NAPB: variants seen among roughly 807,000 people sequenced by gnomAD.
NAPB encodes beta-soluble NSF attachment protein.
A neutral mutation model predicts 44.7 loss-of-function variants in NAPB; 26 were observed. The observed-to-expected ratio is 0.58, with a 90% CI of 0.43 to 0.81. The LOEUF is 0.81. Ranked by LOEUF, NAPB falls within the 30% of genes least tolerant of loss-of-function variation. NAPB has a pLI of 0.00. For synonymous variants in NAPB, 120 were observed against 116.8 expected (o/e 1.03, Z -0.18); for missense variants, 315 against 356.4 (o/e 0.88, Z 0.94).
At chr20:23,387,480 T>C (rs900697269) in intron 7 of NAPB, among the ~76,000 whole-genome samples, 2 of 152,022 alleles carry the variant, frequency 1.3e-5, no homozygotes, top group African/African-American at 2.4e-5. Context: ...ATTTTGGATA[T>C]AGAAAACCTA....
At chr20:23,398,593 C>G (rs1020740706) in intron 2 of NAPB, among the ~76,000 whole-genome samples, 3 of 152,054 alleles carry the variant, frequency 2.0e-5, no homozygotes, top group African/African-American at 7.2e-5. Flanking sequence ...ATAATCCCAG[C>G]ACTTTGGGAG....
In NAPB at chr20:23,398,853, A is replaced by AT. The variant is rs1325138900; in HGVS notation, c.179-1666_179-1665insA. ...AGCAAGACTCTTGTCTCAAAAAAAA[A>AT]ATTTTTTTTTTTTTTTTTTTTTTTT... On this transcript the variant is annotated intron_variant, in intron 2 of 10. Transcript: ENST00000377026. Among the ~76,000 whole-genome samples the AT allele has an allele frequency of 3.2e-3, 435 of 135,018 alleles. 1 individual carries two copies. The highest frequency in any genetic ancestry group is 5.9e-3 in the African/African-American group (190 of 32,126). 88.6% of individuals were successfully genotyped at this position (135,018 alleles called of 152,430 possible). A position where few individuals can be genotyped will look rare whatever the true frequency, so the allele number is the denominator to read the frequency against.
intron 2 of NAPB, among the ~76,000 whole-genome samples, chr20:23,399,691 C>T (rs1984685279): frequency 1.3e-5 from 2 of 152,194 alleles, no homozygotes; most frequent in African/African-American, 4.8e-5. Context: ...GGGGCAAAGG[C>T]CACTGCCAGG....
At chr20:23,384,388 C>G (rs1211544814) in intron 7 of NAPB, among the ~76,000 whole-genome samples, 1 of 151,862 alleles carries the variant, frequency 6.6e-6, no homozygotes, top group East Asian at 1.9e-4. Context: ...ATGGCAAAAC[C>G]CCATCGCTAC....
At chr20:23,384,662 A>G (rs2123147048) in intron 7 of NAPB, among the ~76,000 whole-genome samples, 1 of 152,290 alleles carries the variant, frequency 6.6e-6, no homozygotes, top group South Asian at 2.1e-4. Flanking sequence ...AGCAACCCAT[A>G]AAAAGGTTGG....
intron 5 of NAPB, 86 bp downstream of exon 5, chr20:23,394,836 G>T: frequency 7.4e-7 from 1 of 1,356,062 alleles, no homozygotes; most frequent in Non-Finnish European, 1.0e-6. Flanking sequence ...CTACACCTAC[G>T]ATCACTCTCA....
At chr20:23,401,937 C>T (rs2123217800) in intron 2 of NAPB, among the ~76,000 whole-genome samples, 1 of 152,224 alleles carries the variant, frequency 6.6e-6, no homozygotes, top group East Asian at 1.9e-4. Flanking sequence ...AGTAAGTGAT[C>T]TCTTCAGGTA....
intron 1 of NAPB, among the ~76,000 whole-genome samples, chr20:23,405,024 G>T (rs74911951): frequency 0.015 from 2,355 of 152,218 alleles, 32 homozygotes; most frequent in Middle Eastern, 0.024. Flanking sequence ...ACATCCCGGC[G>T]GGGCGAGGAG....
chr20:23,406,504 A>C (rs1239125110), intron 1 of NAPB, among the ~76,000 whole-genome samples: 4 of 152,160 alleles, frequency 2.6e-5, no homozygotes, highest in Non-Finnish European at 5.9e-5. Context: ...AAAAACAAAC[A>C]AAAACCTTTG....
intron 10 of NAPB, among the ~76,000 whole-genome samples, chr20:23,378,219 G>A (rs1198348563): frequency 6.6e-6 from 1 of 151,396 alleles, no homozygotes; most frequent in Non-Finnish European, 1.5e-5. Context: ...AGGTACTTAG[G>A]AGTCTCAGGT....
intron 1 of NAPB, among the ~76,000 whole-genome samples, chr20:23,419,397 C>G (rs1986234301): frequency 6.6e-6 from 1 of 152,170 alleles, no homozygotes; most frequent in Non-Finnish European, 1.5e-5. Context: ...TTTCAAAATC[C>G]TTTAAGGATT....
At chr20:23,381,349 G>A in intron 7 of NAPB, 32 bp from the exon 8 acceptor site, 1 of 1,396,152 alleles carries the variant, frequency 7.2e-7, no homozygotes, top group East Asian at 2.5e-5. Flanking sequence ...AAATTTAAAA[G>A]ATTTACCCTC....
intron 7 of NAPB, among the ~76,000 whole-genome samples, chr20:23,388,210 G>C (rs148991416): frequency 6.6e-6 from 1 of 151,816 alleles, no homozygotes; most frequent in South Asian, 2.1e-4. Context: ...ATAATCAAGC[G>C]AATCAATTCC....
At chr20:23,385,564 A>G (rs781459371) in intron 7 of NAPB, among the ~76,000 whole-genome samples, 1 of 151,978 alleles carries the variant, frequency 6.6e-6, no homozygotes, top group Non-Finnish European at 1.5e-5. Context: ...ATTCGAGACC[A>G]GCCTAGCCAA....
At chr20:23,397,331 T>C (rs1984443483) in intron 2 of NAPB, 143 bp from the exon 3 acceptor site, 4 of 955,554 alleles carry the variant, frequency 4.2e-6, no homozygotes, top group Non-Finnish European at 5.9e-6. Context: ...TGTGGTCCAG[T>C]GCACCTCGGG....
chr20:23,413,336 G>A (rs1194065519), intron 1 of NAPB, among the ~76,000 whole-genome samples: 1 of 151,760 alleles, frequency 6.6e-6, no homozygotes. Context: ...AACAAACTAA[G>A]ATAAAAACAT....
chr20:23,382,267 C>T (rs1409820523), intron 7 of NAPB, among the ~76,000 whole-genome samples: 1 of 152,196 alleles, frequency 6.6e-6, no homozygotes, highest in Non-Finnish European at 1.5e-5. Flanking sequence ...CTTCTACCTC[C>T]ACCTGGCAGT....
chr20:23,397,142 A>C lies in NAPB; in HGVS notation c.225T>G (p.Leu75=). 6.2e-7 allele frequency: 1 copy of C among 1,613,600 alleles called. No homozygotes were observed. The highest frequency in any genetic ancestry group is 8.5e-7 in the Non-Finnish European group (1 of 1,179,564). The change falls in exon 3 of 11, where the codon CTT becomes CTG. Residue 75 remains leucine, a synonymous_variant. Coordinates refer to ENST00000377026, the MANE Select transcript of NAPB (RefSeq NM_022080.3). ...FCQAAKLHMQ[L]QSKHDSATSF... is the part of the protein sequence containing the mutation. ...TGGTAGCAGAGTCATGTTTGCTCTG[A>C]AGCTGCATGTGGAGCTTGGCTGCCT... is the stretch of plus-strand genomic sequence containing the variant.
At chr20:23,381,891 G>A (rs1568603081) in intron 7 of NAPB, among the ~76,000 whole-genome samples, 1 of 152,186 alleles carries the variant, frequency 6.6e-6, no homozygotes, top group Non-Finnish European at 1.5e-5. Context: ...ATCAAAGGCT[G>A]AAGAAGGAGT....
Sources: gnomAD v4.1 joint callset for allele counts (sites outside exome capture counted in the v4.1 genomes callset) on GRCh38, gnomAD v4.1.1 for gene constraint, MANE v1.5 for transcripts, NCBI Gene and HGNC (gene_info 2026-07-23, HGNC 2026-07-21) for gene names.